Variants in CCDC138 observed in about 807,000 individuals in gnomAD.
CCDC138 encodes the protein coiled-coil domain-containing protein 138.
In CCDC138, 66 loss-of-function variants were observed where a neutral mutation model predicts 82.3. The observed-to-expected ratio is 0.80, with a 90% CI of 0.66 to 0.98. CCDC138 has a LOEUF of 0.98. Among genes scored for constraint, CCDC138 ranks in the 50% least tolerant of loss-of-function variants. CCDC138 has a pLI of 0.00. For synonymous variants in CCDC138, 297 were observed against 265.4 expected, an observed-to-expected ratio of 1.12 and a Z score of -1.16; for missense variants, 816 against 758.9, an observed-to-expected ratio of 1.08 and a Z score of -0.88.
At chr2:108,854,032 TATATAATATATAATAAATTTATATTA>T (rs1692171243) in intron 12 of CCDC138, among the ~76,000 whole-genome samples, 1 of 107,084 alleles carries the variant, frequency 9.3e-6, no homozygotes, top group Non-Finnish European at 1.7e-5. Context: ...ATTTATATTA[TATATAATATATAATAAATTTATATTA>T]TATATATTTT....
chr2:108,798,652 C>T, intron 6 of CCDC138, 66 bp downstream of exon 6: 1 of 1,292,754 alleles, frequency 7.7e-7, no homozygotes, highest in African/African-American at 1.5e-5. Flanking sequence ...TCACTAGTTA[C>T]TAACATTTTG....
At chr2:108,807,877 C>T (rs527639447) in intron 7 of CCDC138, among the ~76,000 whole-genome samples, 2 of 152,144 alleles carry the variant, frequency 1.3e-5, no homozygotes, top group Non-Finnish European at 2.9e-5. Context: ...CCGAAGTGCT[C>T]GGATTACAGG....
chr2:108,876,416 T>C lies in CCDC138; in HGVS notation c.*163T>C. 1 of 439,292 alleles carries C rather than the reference T, an allele frequency of 2.3e-6. No individual in the cohort carries two copies. Among genetic ancestry groups the C allele is most frequent in the Non-Finnish European group, 4.0e-6 (1 of 251,448 alleles). The allele number at this position is 439,292 out of a possible 1,614,324, so 27.2% of individuals were successfully genotyped here. ...TAAAAATGAAATCTGTAGAAGGTAT[T>C]GGAACTTTTGGAATGTTTCAGTTCA... On this transcript the variant is annotated 3_prime_UTR_variant, in exon 15 of 15. Transcript: ENST00000295124.
intron 7 of CCDC138, among the ~76,000 whole-genome samples, chr2:108,806,166 A>G (rs540116691): frequency 4.6e-5 from 7 of 152,186 alleles, no homozygotes; most frequent in African/African-American, 7.2e-5. Context: ...TATGGCTGTT[A>G]CTATTAGACT....
Position 108,804,948 on chromosome 2 carries a change from C to T in CCDC138, c.795C>T (p.Thr265=). ...TEVLKEKNKE[T]KRLRSSFDAL... is the part of the protein sequence containing the mutation. The stretch of plus-strand genomic sequence containing the variant: ...TTCTTAAGGAAAAGAATAAAGAAAC[C>T]AAGAGACTGAGGTCCTCTTTTGATG... The change falls in exon 7 of 15, where the codon ACC becomes ACT. Residue 265 remains threonine (T), a synonymous_variant. Coordinates refer to ENST00000295124, the MANE Select transcript of CCDC138 (RefSeq NM_144978.3). 6.4e-7 allele frequency: 1 copy of T among 1,574,422 alleles called. No homozygotes were observed. The highest frequency in any genetic ancestry group is 8.6e-7 in the Non-Finnish European group (1 of 1,164,790).
Position 108,788,980 on chromosome 2 carries a change from A to G in CCDC138, c.266+14A>G, listed in dbSNP as rs528604346. ...AAATGTGAATTGGTAAAGTACCCTG[A>G]AACTTTACTGTTGCTACCCCCTCAG... On this transcript the variant is annotated intron_variant, in intron 3 of 14. Transcript: ENST00000295124. 540 of 1,613,226 alleles carry G rather than the reference A, an allele frequency of 3.3e-4. 4 individuals are homozygous for G. In the South Asian group the frequency reaches 5.5e-3, roughly 16 times the overall value.
Position 108,846,810 on chromosome 2 carries a change from C to T in CCDC138, c.1396C>T (p.Gln466Ter), listed in dbSNP as rs1261248737. ...TAAAGGAGTGGTAACTAAAGGAATT[C>T]AGGATAATTCTCCACAGCATTCTGT... Reference protein sequence around the residue: ...IFKGVVTKGIQDNSPQHSVEN... With the variant: ...IFKGVVTKGI The change falls in exon 12 of 15, where the codon CAG becomes TAG. Residue 466 changes from glutamine (Q) to a stop codon, truncating the protein, a stop_gained. Coordinates refer to ENST00000295124, the MANE Select transcript of CCDC138 (RefSeq NM_144978.3). LOFTEE classifies it high-confidence loss of function. 2 of 1,612,260 alleles carry T rather than the reference C, an allele frequency of 1.2e-6. No homozygotes were observed. The highest frequency in any genetic ancestry group is 1.7e-6 in the Non-Finnish European group (2 of 1,178,494).
chr2:108,831,258 C>A (rs771350257), intron 10 of CCDC138, among the ~76,000 whole-genome samples: 2 of 152,082 alleles, frequency 1.3e-5, no homozygotes, highest in Non-Finnish European at 1.5e-5. Context: ...TGTAAATACA[C>A]CTGATGATCT....
chr2:108,795,972 GCAAA>G (rs781416819), intron 5 of CCDC138, among the ~76,000 whole-genome samples: 8 of 152,184 alleles, frequency 5.3e-5, no homozygotes, highest in Non-Finnish European at 7.4e-5. Flanking sequence ...ATCATTTGTA[GCAAA>G]CAAAGATGTT....
intron 10 of CCDC138, among the ~76,000 whole-genome samples, chr2:108,827,341 A>G (rs991203814): frequency 6.6e-6 from 1 of 152,214 alleles, no homozygotes; most frequent in Non-Finnish European, 1.5e-5. Context: ...TTACAATACC[A>G]AATTTACAAA....
chr2:108,828,248 A>G (rs774125455), intron 10 of CCDC138, among the ~76,000 whole-genome samples: 2 of 152,222 alleles, frequency 1.3e-5, no homozygotes, highest in Non-Finnish European at 2.9e-5. Flanking sequence ...AAATACGAGA[A>G]CAAGGAAGGT....
At chr2:108,847,794 A>G (rs910787023) in intron 12 of CCDC138, among the ~76,000 whole-genome samples, 1 of 152,160 alleles carries the variant, frequency 6.6e-6, no homozygotes, top group Non-Finnish European at 1.5e-5. Context: ...AGTATGTTTC[A>G]TTTAGTTACT....
chr2:108,816,138 A>G (rs1247756119), intron 10 of CCDC138, 33 bp downstream of exon 10: 5 of 1,505,726 alleles, frequency 3.3e-6, no homozygotes, highest in Non-Finnish European at 4.6e-6. Flanking sequence ...TGTGATTCAG[A>G]ATATATGAAG....
At chr2:108,876,026 T>A (rs1286238079) in intron 14 of CCDC138, 62 bp from the exon 15 acceptor site, 10 of 1,035,338 alleles carry the variant, frequency 9.7e-6, no homozygotes, top group African/African-American at 1.6e-5. Flanking sequence ...TATCTGTCAG[T>A]GTCATTGCAG....
downstream of CCDC138, among the ~76,000 whole-genome samples, chr2:108,879,595 A>G (rs1251372566): frequency 6.6e-6 from 1 of 152,252 alleles, no homozygotes; most frequent in Admixed American, 6.5e-5. Context: ...ACTTTCTAAT[A>G]GAAAAATATA....
At chr2:108,795,299 T>G (rs1450659887) in intron 5 of CCDC138, among the ~76,000 whole-genome samples, 16 of 151,520 alleles carry the variant, frequency 1.1e-4, no homozygotes, top group Non-Finnish European at 5.9e-5. Context: ...GGATTACAGG[T>G]GCACCCCATC....
At chr2:108,852,466 G>C (rs1013193089) in intron 12 of CCDC138, among the ~76,000 whole-genome samples, 8 of 152,164 alleles carry the variant, frequency 5.3e-5, no homozygotes, top group Non-Finnish European at 8.8e-5. Context: ...GTTCATTGCA[G>C]CACTGTTCAC....
intron 2 of CCDC138, 86 bp downstream of exon 2, chr2:108,788,175 T>C: frequency 2.2e-6 from 3 of 1,391,112 alleles, no homozygotes; most frequent in Non-Finnish European, 2.9e-6. Context: ...TCCCAGCACT[T>C]TGGGAGGCCG....
downstream of CCDC138, among the ~76,000 whole-genome samples, chr2:108,879,824 G>A (rs1279538425): frequency 6.6e-6 from 1 of 152,082 alleles, no homozygotes; most frequent in Non-Finnish European, 1.5e-5. Context: ...CCATATTAGA[G>A]TTGTGACTAG....
Sources: gnomAD v4.1 joint callset for allele counts (sites outside exome capture counted in the v4.1 genomes callset) on GRCh38, gnomAD v4.1.1 for gene constraint, MANE v1.5 for transcripts, NCBI Gene and HGNC (gene_info 2026-07-23, HGNC 2026-07-21) for gene names.